The following KLHL1 variants were observed in gnomAD, a reference collection of about 807,000 sequenced individuals.
KLHL1 encodes kelch like family member 1, also known as kelch-like protein 1.
A neutral mutation model predicts 77.7 loss-of-function variants in KLHL1; 47 were observed. That is an observed-to-expected ratio of 0.60 (90% CI 0.48 to 0.77). The LOEUF (loss-of-function observed/expected upper bound fraction) is 0.77. KLHL1 is among the 30% of genes least tolerant of loss of function. The pLI is 0.00. For missense variants in KLHL1, 925 were observed against 910.8 expected, an observed-to-expected ratio of 1.02 and a Z score of -0.20; for synonymous variants, 360 against 325.2, an observed-to-expected ratio of 1.11 and a Z score of -1.15.
chr13:69,863,923 A>G (rs1415852202), intron 5 of KLHL1, among the ~76,000 whole-genome samples: 1 of 151,928 alleles, frequency 6.6e-6, no homozygotes, highest in African/African-American at 2.4e-5. Context: ...TGTTTTATGT[A>G]TTGTACATAA....
intron 1 of KLHL1, among the ~76,000 whole-genome samples, chr13:70,050,818 T>C (rs548985626): frequency 2.0e-5 from 3 of 152,016 alleles, no homozygotes; most frequent in Non-Finnish European, 2.9e-5. Context: ...TTGTTAACAC[T>C]TGAGTGACAC....
At chr13:69,756,876 G>C (rs1242969790) in intron 7 of KLHL1, among the ~76,000 whole-genome samples, 1 of 152,064 alleles carries the variant, frequency 6.6e-6, no homozygotes. Flanking sequence ...GCACTGGCTA[G>C]GAATCTTTAG....
intron 6 of KLHL1, among the ~76,000 whole-genome samples, chr13:69,836,141 G>A (rs1304422005): frequency 6.6e-6 from 1 of 152,086 alleles, no homozygotes; most frequent in East Asian, 1.9e-4. Context: ...CTTTAGAAAT[G>A]ATTGATTCAT....
At chr13:69,896,776 C>T (rs1020135136) in intron 4 of KLHL1, among the ~76,000 whole-genome samples, 1 of 151,434 alleles carries the variant, frequency 6.6e-6, no homozygotes, top group African/African-American at 2.4e-5. Context: ...TCAAGCAATT[C>T]TCCTGCCTCA....
intron 1 of KLHL1, among the ~76,000 whole-genome samples, chr13:70,034,533 A>T (rs1886192129): frequency 6.6e-6 from 1 of 152,210 alleles, no homozygotes; most frequent in African/African-American, 2.4e-5. Flanking sequence ...TATATGCATC[A>T]CTGGCTGTAT....
chr13:69,916,676 T>C (rs4883847), intron 4 of KLHL1, among the ~76,000 whole-genome samples: 143,603 of 151,936 alleles, frequency 0.95, 68,005 homozygotes, highest in South Asian at 0.98. Context: ...ACCAGCATGG[T>C]ACATGTATAC....
At chr13:69,864,319 A>C (rs2138159660) in intron 5 of KLHL1, among the ~76,000 whole-genome samples, 1 of 152,062 alleles carries the variant, frequency 6.6e-6, no homozygotes, top group Admixed American at 6.6e-5. Flanking sequence ...AAATCATTAA[A>C]TATGTATGTT....
chr13:69,901,398 C>T (rs1207815539), intron 4 of KLHL1, among the ~76,000 whole-genome samples: 1 of 152,016 alleles, frequency 6.6e-6, no homozygotes, highest in African/African-American at 2.4e-5. Flanking sequence ...AAATTAATTT[C>T]CAAGAATGAG....
At chr13:69,760,596 C>A (rs1198709070) in intron 7 of KLHL1, among the ~76,000 whole-genome samples, 1 of 151,998 alleles carries the variant, frequency 6.6e-6, no homozygotes, top group Non-Finnish European at 1.5e-5. Context: ...CTCAGGTGAT[C>A]CACCTGTCTC....
At chr13:69,822,347 T>C (rs1878373669) in intron 6 of KLHL1, among the ~76,000 whole-genome samples, 1 of 152,218 alleles carries the variant, frequency 6.6e-6, no homozygotes, top group African/African-American at 2.4e-5. Context: ...GGATACCATT[T>C]TAATTATATT....
chr13:70,071,175 A>G (rs1327267917), intron 1 of KLHL1, among the ~76,000 whole-genome samples: 1 of 152,226 alleles, frequency 6.6e-6, no homozygotes. Flanking sequence ...AATGACACAT[A>G]GAGATTAGAA....
At chr13:69,729,441 T>C (rs1403956031) in intron 8 of KLHL1, among the ~76,000 whole-genome samples, 1 of 152,052 alleles carries the variant, frequency 6.6e-6, no homozygotes. Flanking sequence ...TTGGAAAAAG[T>C]GTTGAAAATA....
intron 1 of KLHL1, among the ~76,000 whole-genome samples, chr13:70,075,563 GTA>G (rs1887241850): frequency 1.1e-4 from 2 of 18,134 alleles, no homozygotes; most frequent in African/African-American, 2.5e-4. Context: ...CTGTGTGTGT[GTA>G]TGTGTATATA....
chr13:70,042,495 C>T (rs1886399958), intron 1 of KLHL1, among the ~76,000 whole-genome samples: 1 of 152,094 alleles, frequency 6.6e-6, no homozygotes, highest in African/African-American at 2.4e-5. Context: ...ACTGCTATCA[C>T]CTGGTGACAC....
intron 8 of KLHL1, among the ~76,000 whole-genome samples, chr13:69,722,342 T>C (rs1481623380): frequency 6.6e-6 from 1 of 151,894 alleles, no homozygotes; most frequent in African/African-American, 2.4e-5. Context: ...AAATTATATA[T>C]AAATATATAC....
At chr13:70,087,102 T>C (rs1355365816) in intron 1 of KLHL1, among the ~76,000 whole-genome samples, 1 of 152,044 alleles carries the variant, frequency 6.6e-6, no homozygotes, top group African/African-American at 2.4e-5. Flanking sequence ...CACTGAAGTA[T>C]TGTCACCGAG....
intron 4 of KLHL1, among the ~76,000 whole-genome samples, chr13:69,903,989 T>C (rs910209595): frequency 6.6e-6 from 1 of 151,984 alleles, no homozygotes; most frequent in African/African-American, 2.4e-5. Flanking sequence ...AAATGTTTAC[T>C]ATATGCCCTA....
chr13:69,813,998 A>G (rs528216135), intron 6 of KLHL1, among the ~76,000 whole-genome samples: 82 of 152,342 alleles, frequency 5.4e-4, no homozygotes, highest in African/African-American at 1.8e-3. Flanking sequence ...TTCAAATTAT[A>G]CTATAAGGCT....
At chr13:69,785,760 C>T (rs560465231) in intron 7 of KLHL1, among the ~76,000 whole-genome samples, 1 of 151,970 alleles carries the variant, frequency 6.6e-6, no homozygotes, top group Admixed American at 6.6e-5. Context: ...AGACTGCTAG[C>T]AAGACTAATA....
Sources: gnomAD v4.1 joint callset for allele counts (sites outside exome capture counted in the v4.1 genomes callset) on GRCh38, gnomAD v4.1.1 for gene constraint, MANE v1.5 for transcripts, NCBI Gene and HGNC (gene_info 2026-07-23, HGNC 2026-07-21) for gene names.